The following CTIF variants were observed in gnomAD, a reference collection of about 807,000 sequenced individuals.
The protein encoded by CTIF is cap binding complex dependent translation initiation factor, also known as CBP80/20-dependent translation initiation factor.
In CTIF, 21 loss-of-function variants were observed where a neutral mutation model predicts 66.0. The ratio of observed to expected loss-of-function variants is 0.32; its 90% CI spans 0.23 to 0.46. The LOEUF (loss-of-function observed/expected upper bound fraction) is 0.46. Among genes scored for constraint, CTIF ranks in the 20% least tolerant of loss-of-function variants. CTIF has a pLI of 1.00. For synonymous variants in CTIF, 345 were observed against 326.4 expected (o/e 1.06, Z -0.62); for missense variants, 739 against 812.7 (o/e 0.91, Z 1.10).
chr18:48,704,797 G>A (rs1244471545), intron 6 of CTIF, among the ~76,000 whole-genome samples: 1 of 152,202 alleles, frequency 6.6e-6, no homozygotes, highest in South Asian at 2.1e-4. Flanking sequence ...GCCATTCAGA[G>A]GAACCAGGGG....
chr18:48,640,140 C>G (rs1200072083), intron 3 of CTIF, among the ~76,000 whole-genome samples: 3 of 152,182 alleles, frequency 2.0e-5, no homozygotes, highest in Non-Finnish European at 2.9e-5. Context: ...TCAAGGCTCC[C>G]TTCAGCCTGG....
chr18:48,634,034 A>G (rs1030820644), intron 2 of CTIF, among the ~76,000 whole-genome samples: 4 of 152,028 alleles, frequency 2.6e-5, no homozygotes, highest in African/African-American at 7.2e-5. Flanking sequence ...CCAAATTTGC[A>G]TGTAATTGCC....
chr18:48,797,590 G>A (rs1010185493), intron 9 of CTIF, among the ~76,000 whole-genome samples: 5 of 151,866 alleles, frequency 3.3e-5, no homozygotes, highest in African/African-American at 1.2e-4. Flanking sequence ...GGGATTTGCT[G>A]GGGAGACAGA....
intron 9 of CTIF, among the ~76,000 whole-genome samples, chr18:48,775,405 G>A (rs547761714): frequency 5.9e-5 from 9 of 152,338 alleles, no homozygotes; most frequent in African/African-American, 1.9e-4. Context: ...GGAGGTCCCA[G>A]GCAGGGAAAG....
chr18:48,592,497 CA>C (rs34825594), intron 1 of CTIF, among the ~76,000 whole-genome samples: 217 of 117,602 alleles, frequency 1.8e-3, no homozygotes, highest in Non-Finnish European at 2.1e-3. Context: ...AACCCTGTCT[CA>C]AAAAAAAAAA....
intron 7 of CTIF, among the ~76,000 whole-genome samples, chr18:48,727,808 A>G (rs1424519203): frequency 6.6e-6 from 1 of 152,268 alleles, no homozygotes; most frequent in Non-Finnish European, 1.5e-5. Context: ...CAAAGACTTC[A>G]TAGCCACACC....
rs1908959641 is a variant in CTIF, at chr18:48,761,314, C to G, written c.1072-76C>G. ...GTCCTGCTTTCTGGGGGTGGCCACC[C>G]TCTTTCCACCAGGCCACCCCTGCAC... On this transcript the variant is annotated intron_variant, in intron 8 of 11. Transcript: ENST00000256413. The surrounding 1 kb of genome is among the most constrained non-coding windows in gnomAD (Gnocchi z 4.2). The G allele has an allele frequency of 1.0e-5, 15 of 1,452,532 alleles. No homozygotes were observed. The South Asian group carries it at 1.7e-4, about 16-fold the overall frequency. 90.0% of individuals were successfully genotyped at this position (1,452,532 alleles called of 1,614,324 possible). A position where few individuals can be genotyped will look rare whatever the true frequency, so the allele number is the denominator to read the frequency against.
At chr18:48,834,033 T>TTCCCCTCCCCTCCCC (rs143137878) in intron 10 of CTIF, among the ~76,000 whole-genome samples, 1 of 150,826 alleles carries the variant, frequency 6.6e-6, no homozygotes, top group Non-Finnish European at 1.5e-5. Context: ...TCCCCCTCCT[T>TTCCCCTCCCCTCCCC]TCCCCTCCCC....
At chr18:48,665,370 T>A (rs1295482654) in intron 5 of CTIF, among the ~76,000 whole-genome samples, 1 of 152,210 alleles carries the variant, frequency 6.6e-6, no homozygotes, top group Non-Finnish European at 1.5e-5. Context: ...TCAAAAGTGG[T>A]GTCACAGCCT....
At chr18:48,711,416 A>G (rs1227583686) in intron 6 of CTIF, among the ~76,000 whole-genome samples, 5 of 152,182 alleles carry the variant, frequency 3.3e-5, no homozygotes, top group Non-Finnish European at 7.3e-5. Context: ...TGATTCTGTA[A>G]TTCCAGCATC....
chr18:48,687,603 C>A (rs908216601), intron 6 of CTIF, among the ~76,000 whole-genome samples: 3 of 152,194 alleles, frequency 2.0e-5, no homozygotes, highest in Non-Finnish European at 4.4e-5. Context: ...CTCAGCAAGC[C>A]TCCAGAGCCC....
chr18:48,773,196 C>T (rs1383519600), intron 9 of CTIF, among the ~76,000 whole-genome samples: 1 of 152,182 alleles, frequency 6.6e-6, no homozygotes, highest in Non-Finnish European at 1.5e-5. Context: ...AGTCCAACCC[C>T]CTCGTATTAC....
At chr18:48,820,488 C>G (rs1248793435) in intron 10 of CTIF, among the ~76,000 whole-genome samples, 1 of 152,096 alleles carries the variant, frequency 6.6e-6, no homozygotes. Flanking sequence ...TGAGATCCCC[C>G]CAACTCCCAG....
chr18:48,620,923 A>G (rs924869190), intron 2 of CTIF, among the ~76,000 whole-genome samples: 18 of 152,116 alleles, frequency 1.2e-4, no homozygotes, highest in Non-Finnish European at 1.9e-4. Flanking sequence ...AGCCACAGTA[A>G]TCCCATGCCC....
chr18:48,836,474 C>T (rs1315574978), intron 10 of CTIF, among the ~76,000 whole-genome samples: 1 of 152,142 alleles, frequency 6.6e-6, no homozygotes, highest in Non-Finnish European at 1.5e-5. Flanking sequence ...TGGGGCAGGC[C>T]CTCCAGCTTC....
chr18:48,823,972 G>C (rs2068532176), intron 10 of CTIF, among the ~76,000 whole-genome samples: 1 of 90,978 alleles, frequency 1.1e-5, no homozygotes. Flanking sequence ...AAATCCTAAA[G>C]ACTCCACACA....
chr18:48,796,419 G>C (rs2146186844), intron 9 of CTIF, among the ~76,000 whole-genome samples: 1 of 152,122 alleles, frequency 6.6e-6, no homozygotes, highest in Non-Finnish European at 1.5e-5. Flanking sequence ...CTCGCAATCT[G>C]CCCGCCTTGG....
rs554924899 is a variant in CTIF at position 48,667,532 on chromosome 18, G to T, written c.431+2981G>T. Among the ~76,000 whole-genome samples the T allele has an allele frequency of 1.3e-3, 191 of 152,288 alleles. 1 individual carries two copies. Among genetic ancestry groups the T allele is most frequent in the African/African-American group, 4.4e-3 (183 of 41,552 alleles). ...TTATTGACTACAGGTGCCCAATGGG[G>T]CCTGCATGTTGAAGGCAAGCTTGCC... On this transcript the variant is annotated intron_variant, in intron 5 of 11. Coordinates refer to ENST00000256413, the MANE Select transcript of CTIF (RefSeq NM_014772.3).
intron 11 of CTIF, 90 bp downstream of exon 11, chr18:48,857,731 C>A: frequency 1.6e-6 from 2 of 1,232,212 alleles, no homozygotes; most frequent in Non-Finnish European, 2.3e-6. Flanking sequence ...TTGTTGGAGG[C>A]ATTTACAAGT....
Sources: gnomAD v4.1 joint callset for allele counts (sites outside exome capture counted in the v4.1 genomes callset) on GRCh38, gnomAD v4.1.1 for gene constraint, Gnocchi (gnomAD v3.1) non-coding constraint, MANE v1.5 for transcripts, NCBI Gene and HGNC (gene_info 2026-07-23, HGNC 2026-07-21) for gene names.